The following PTPRD variants were observed in gnomAD, a reference collection of about 807,000 sequenced individuals.
PTPRD encodes the protein receptor-type tyrosine-protein phosphatase delta.
PTPRD carries 34 observed loss-of-function variants against 214.5 expected under a neutral mutation model. The ratio of observed to expected loss-of-function variants is 0.16; its 90% CI spans 0.12 to 0.21. The LOEUF is 0.21. Among genes scored for constraint, PTPRD ranks in the 10% least tolerant of loss-of-function variants. The pLI is 1.00. For missense variants in PTPRD, 2,545 were observed against 2,398.7 expected (o/e 1.06, Z -1.27); for synonymous variants, 1,128 against 845.7 (o/e 1.33, Z -5.79).
At chr9:9,805,367 A>G (rs2099066364) in intron 5 of PTPRD, among the ~76,000 whole-genome samples, 1 of 152,172 alleles carries the variant, frequency 6.6e-6, no homozygotes. Flanking sequence ...TGGGCTGTCA[A>G]TTAAGTGACC....
chr9:10,602,708 G>C (rs2078286232), intron 2 of PTPRD, among the ~76,000 whole-genome samples: 1 of 151,792 alleles, frequency 6.6e-6, no homozygotes, highest in African/African-American at 2.4e-5. Context: ...ACAAATAATT[G>C]TAATTAAAAT....
intron 2 of PTPRD, among the ~76,000 whole-genome samples, chr9:10,364,326 A>T (rs2097469241): frequency 1.3e-5 from 2 of 151,962 alleles, no homozygotes; most frequent in African/African-American, 4.8e-5. Context: ...TTAGGTGACA[A>T]AGCCAAAGCA....
At chr9:10,075,930 C>G (rs1232913390) in intron 3 of PTPRD, among the ~76,000 whole-genome samples, 2 of 152,242 alleles carry the variant, frequency 1.3e-5, no homozygotes, top group East Asian at 1.9e-4. Context: ...AAGAAGTCTT[C>G]ACACTCACAG....
At chr9:9,085,705 C>T (rs1407811137) in intron 10 of PTPRD, among the ~76,000 whole-genome samples, 1 of 151,848 alleles carries the variant, frequency 6.6e-6, no homozygotes, top group East Asian at 1.9e-4. Context: ...GTCGGTTTGC[C>T]ACCTCATTGC....
intron 5 of PTPRD, among the ~76,000 whole-genome samples, chr9:9,889,674 C>T (rs914919826): frequency 6.6e-6 from 1 of 152,116 alleles, no homozygotes; most frequent in South Asian, 2.1e-4. Flanking sequence ...TTCTCCTTTG[C>T]TGTCTGGCAC....
chr9:8,464,447 G>C (rs1209231889), intron 32 of PTPRD, among the ~76,000 whole-genome samples: 3 of 151,940 alleles, frequency 2.0e-5, no homozygotes, highest in African/African-American at 4.8e-5. Flanking sequence ...ACCAGGCAGA[G>C]AGGCTGCCTT....
At chr9:9,149,226 A>G (rs1775774517) in intron 10 of PTPRD, among the ~76,000 whole-genome samples, 1 of 152,190 alleles carries the variant, frequency 6.6e-6, no homozygotes, top group South Asian at 2.1e-4. Context: ...TCGTAGCCTT[A>G]CTGCAAGGAT....
intron 10 of PTPRD, among the ~76,000 whole-genome samples, chr9:9,028,851 G>C (rs2099595592): frequency 6.6e-6 from 1 of 151,858 alleles, no homozygotes; most frequent in Non-Finnish European, 1.5e-5. Context: ...TTAAGTGAGA[G>C]AGCCTTACAT....
chr9:10,349,396 G>T (rs999961109), intron 2 of PTPRD, among the ~76,000 whole-genome samples: 2 of 152,056 alleles, frequency 1.3e-5, no homozygotes, highest in African/African-American at 4.8e-5. Flanking sequence ...TGTAATTACT[G>T]CCCCTGCAGA....
intron 17 of PTPRD, 60 bp downstream of exon 17, chr9:8,526,567 G>A (rs1449954269): frequency 9.1e-6 from 13 of 1,430,084 alleles, no homozygotes; most frequent in Non-Finnish European, 1.2e-5. Flanking sequence ...AGATGAGAGG[G>A]ATGAAAGGAC....
chr9:10,399,886 G>C (rs2098240476), intron 2 of PTPRD, among the ~76,000 whole-genome samples: 2 of 151,872 alleles, frequency 1.3e-5, no homozygotes, highest in Non-Finnish European at 2.9e-5. Context: ...TAAGAAAATG[G>C]ATAGGAATGG....
rs147167437 is a variant in PTPRD at position 9,243,127 on chromosome 9, G to A, written c.-202-59764C>T. The stretch of plus-strand genomic sequence containing the variant: ...TCAACACCAGACCCTGTTTGCCTGG[G>A]TATCAGCAGCGGAGGCTGCAGAACA... On this transcript the variant is annotated intron_variant, in intron 9 of 45. Coordinates refer to ENST00000381196, the MANE Select transcript of PTPRD (RefSeq NM_002839.4). Among the ~76,000 whole-genome samples the A allele has an allele frequency of 9.4e-3, 1,434 of 152,202 alleles. 24 individuals carry two copies. Among genetic ancestry groups the A allele is most frequent in the African/African-American group, 0.032 (1,349 of 41,554 alleles).
rs573593722 is a variant in PTPRD, at chr9:8,870,369, G to C, written c.-103-136423C>G. On this transcript the variant is annotated intron_variant, in intron 11 of 45. Coordinates refer to ENST00000381196, the MANE Select transcript of PTPRD (RefSeq NM_002839.4). Reference sequence around the variant, plus strand: ...TTACTCCTAATCCACACAGAGACTGGAGAGAAGAGTATTTTGATTTTATGT... The same window carrying C: ...TTACTCCTAATCCACACAGAGACTGCAGAGAAGAGTATTTTGATTTTATGT... 8.5e-5 allele frequency among the ~76,000 whole-genome samples: 13 copies of C among 152,132 alleles called. No homozygotes were observed. The South Asian group carries it at 2.7e-3, about 32-fold the overall frequency.
At chr9:8,959,231 T>G (rs2099146775) in intron 11 of PTPRD, among the ~76,000 whole-genome samples, 1 of 151,986 alleles carries the variant, frequency 6.6e-6, no homozygotes, top group Admixed American at 6.6e-5. Flanking sequence ...CCTGGAAAAG[T>G]TTTTATGAGT....
rs569653737 is a variant in PTPRD, at chr9:8,544,190, C to T, written c.353-15411G>A. On this transcript the variant is annotated intron_variant, in intron 14 of 45. Transcript: ENST00000381196. ...TTTTTTTTTTTTTTTTTTTTTGAGA[C>T]AGAGTCCTGCTTTTTGCCCAGTCTG... Among the ~76,000 whole-genome samples, 294 of 83,784 alleles carry T rather than the reference C, an allele frequency of 3.5e-3. 1 individual carries two copies. The highest frequency in any genetic ancestry group is 6.8e-3 in the Middle Eastern group (1 of 148). The allele number at this position is 83,784 out of a possible 152,430, so 55.0% of individuals were successfully genotyped here.
At chr9:8,977,663 G>T (rs1027111598) in intron 11 of PTPRD, among the ~76,000 whole-genome samples, 14 of 114,384 alleles carry the variant, frequency 1.2e-4, no homozygotes, top group African/African-American at 3.4e-4. Flanking sequence ...GTAACAAGGA[G>T]AATTTTTTTT....
intron 5 of PTPRD, among the ~76,000 whole-genome samples, chr9:9,843,686 T>A (rs1359275316): frequency 1.3e-5 from 2 of 151,982 alleles, no homozygotes; most frequent in African/African-American, 2.4e-5. Flanking sequence ...ACACATATAT[T>A]AAACTTTGTT....
intron 10 of PTPRD, among the ~76,000 whole-genome samples, chr9:9,170,313 T>C (rs910999204): frequency 5.3e-5 from 8 of 152,200 alleles, no homozygotes; most frequent in Non-Finnish European, 1.0e-4. Flanking sequence ...TAAGGTTCTT[T>C]GTCCTTCAAA....
chr9:8,615,960 A>T (rs1412930487), intron 14 of PTPRD, among the ~76,000 whole-genome samples: 1 of 152,150 alleles, frequency 6.6e-6, no homozygotes, highest in Non-Finnish European at 1.5e-5. Context: ...TGGGGAAAAT[A>T]ATCTTGATAA....
Sources: gnomAD v4.1 joint callset for allele counts (sites outside exome capture counted in the v4.1 genomes callset) on GRCh38, gnomAD v4.1.1 for gene constraint, MANE v1.5 for transcripts, NCBI Gene and HGNC (gene_info 2026-07-23, HGNC 2026-07-21) for gene names.